RIT2: variants seen among roughly 807,000 people sequenced by gnomAD.
RIT2 encodes Ras like without CAAX 2.
RIT2 carries 24 observed loss-of-function variants against 23.7 expected under a neutral mutation model. That is an observed-to-expected ratio of 1.01 (90% CI 0.73 to 1.43). RIT2 has a LOEUF of 1.43. RIT2 is among the 40% of genes most tolerant of loss of function. The pLI, the probability that RIT2 is intolerant of heterozygous loss-of-function variation, is 0.00. For synonymous variants in RIT2, 107 were observed against 91.1 expected, an observed-to-expected ratio of 1.17 and a Z score of -0.99; for missense variants, 236 against 266.9, an observed-to-expected ratio of 0.88 and a Z score of 0.81.
chr18:43,100,362 G>T (rs188859575), intron 1 of RIT2, among the ~76,000 whole-genome samples: 1 of 152,276 alleles, frequency 6.6e-6, no homozygotes, highest in African/African-American at 2.4e-5. Context: ...TGATATTTCT[G>T]AAGTAGAGAG....
intron 1 of RIT2, among the ~76,000 whole-genome samples, chr18:43,088,469 T>A (rs2144356872): frequency 6.6e-6 from 1 of 152,316 alleles, no homozygotes; most frequent in East Asian, 1.9e-4. Context: ...ATACCTCTAT[T>A]GCATAAAATT....
chr18:42,972,884 A>G (rs1430924832), intron 3 of RIT2, among the ~76,000 whole-genome samples: 1 of 151,892 alleles, frequency 6.6e-6, no homozygotes, highest in Non-Finnish European at 1.5e-5. Context: ...TTTTACAACT[A>G]TACAGCCTTT....
At chr18:43,098,930 G>A (rs544591741) in intron 1 of RIT2, among the ~76,000 whole-genome samples, 16 of 151,980 alleles carry the variant, frequency 1.1e-4, no homozygotes, top group African/African-American at 3.1e-4. Flanking sequence ...GTCAATATTT[G>A]GGATGACATA....
intron 1 of RIT2, among the ~76,000 whole-genome samples, chr18:43,103,137 C>A (rs988982597): frequency 2.0e-5 from 3 of 152,086 alleles, no homozygotes; most frequent in Non-Finnish European, 4.4e-5. Context: ...CAAGCCACAC[C>A]CTTACCCTAT....
intron 1 of RIT2, among the ~76,000 whole-genome samples, chr18:43,096,529 T>C (rs1209398857): frequency 6.6e-6 from 1 of 151,884 alleles, no homozygotes; most frequent in African/African-American, 2.4e-5. Context: ...AGCAGATATA[T>C]GGGAACAGAT....
Position 42,784,624 on chromosome 18 carries a change from A to G in RIT2, c.427-40904T>C, listed in dbSNP as rs143631536. ...AATCAGAGAAATTTTTAGAAATGAA[A>G]CAACTCCATTTTTTACATTCACACC... On this transcript the variant is annotated intron_variant, in intron 4 of 4. Coordinates refer to ENST00000326695, the MANE Select transcript of RIT2 (RefSeq NM_002930.4). 4.3e-4 allele frequency among the ~76,000 whole-genome samples: 65 copies of G among 152,248 alleles called. 1 individual carries two copies. The East Asian group carries it at 0.013, about 29-fold the overall frequency.
intron 2 of RIT2, among the ~76,000 whole-genome samples, chr18:43,008,995 A>G (rs1911289995): frequency 1.3e-5 from 2 of 151,692 alleles, no homozygotes; most frequent in Admixed American, 1.3e-4. Flanking sequence ...AATTGAAAAC[A>G]TAAAAAAGCA....
chr18:42,859,362 T>C (rs1907267545), intron 4 of RIT2, among the ~76,000 whole-genome samples: 1 of 152,226 alleles, frequency 6.6e-6, no homozygotes. Context: ...CTTGGCGAAA[T>C]GATTATTCAA....
intron 4 of RIT2, among the ~76,000 whole-genome samples, chr18:42,879,285 G>T (rs1598696533): frequency 6.6e-6 from 1 of 152,170 alleles, no homozygotes; most frequent in East Asian, 1.9e-4. Context: ...CTCCTTCATT[G>T]TAACAGAGAA....
intron 4 of RIT2, among the ~76,000 whole-genome samples, chr18:42,793,935 T>A (rs1235646322): frequency 6.6e-6 from 1 of 152,186 alleles, no homozygotes; most frequent in East Asian, 1.9e-4. Flanking sequence ...CCTAATGACT[T>A]TTGGAAAAGC....
intron 1 of RIT2, among the ~76,000 whole-genome samples, chr18:43,071,355 C>G (rs369583610): frequency 1.8e-4 from 27 of 152,104 alleles, no homozygotes; most frequent in African/African-American, 6.3e-4. Flanking sequence ...ATCCCAGGTT[C>G]TCAACTGGCG....
intron 4 of RIT2, among the ~76,000 whole-genome samples, chr18:42,772,284 G>T (rs1051330287): frequency 6.6e-6 from 1 of 152,046 alleles, no homozygotes; most frequent in Non-Finnish European, 1.5e-5. Context: ...TCTGACACTG[G>T]CACACACTTG....
chr18:43,076,676 G>T (rs1044182863), intron 1 of RIT2, among the ~76,000 whole-genome samples: 1 of 152,192 alleles, frequency 6.6e-6, no homozygotes, highest in Admixed American at 6.5e-5. Flanking sequence ...GATATGTCTA[G>T]CAACATCTCT....
At chr18:42,985,514 T>C (rs556301116) in intron 2 of RIT2, among the ~76,000 whole-genome samples, 13 of 152,280 alleles carry the variant, frequency 8.5e-5, no homozygotes, top group African/African-American at 2.9e-4. Flanking sequence ...TGTTAATTCA[T>C]AGCAGTTAAG....
intron 1 of RIT2, among the ~76,000 whole-genome samples, chr18:43,065,251 T>C (rs1435392672): frequency 2.4e-5 from 3 of 127,466 alleles, no homozygotes; most frequent in Admixed American, 8.9e-5. Flanking sequence ...TTTAGAGACA[T>C]GGTCTCAATC....
At chr18:43,057,904 G>T (rs1456114427) in intron 1 of RIT2, among the ~76,000 whole-genome samples, 1 of 151,612 alleles carries the variant, frequency 6.6e-6, no homozygotes, top group Non-Finnish European at 1.5e-5. Flanking sequence ...GAGGATTTTG[G>T]TGTGTCTTGC....
At chr18:42,824,231 G>A (rs1190154974) in intron 4 of RIT2, among the ~76,000 whole-genome samples, 5 of 152,072 alleles carry the variant, frequency 3.3e-5, no homozygotes, top group African/African-American at 1.2e-4. Flanking sequence ...AGAAGTGAAT[G>A]TTGAGTTGAT....
intron 4 of RIT2, among the ~76,000 whole-genome samples, chr18:42,878,828 G>A (rs1013941529): frequency 6.8e-6 from 1 of 146,334 alleles, no homozygotes; most frequent in East Asian, 2.0e-4. Flanking sequence ...TTTCTGTACC[G>A]CCCCCCGCCC....
chr18:42,911,544 A>T (rs1244899092), intron 4 of RIT2, among the ~76,000 whole-genome samples: 2 of 152,114 alleles, frequency 1.3e-5, no homozygotes, highest in African/African-American at 2.4e-5. Flanking sequence ...TTGTTTCACT[A>T]TAGCAACCAT....
Sources: allele counts gnomAD v4.1 joint callset (sites outside exome capture counted in the v4.1 genomes callset), GRCh38; gene constraint gnomAD v4.1.1; transcripts MANE v1.5; gene names NCBI Gene and HGNC (gene_info 2026-07-23, HGNC 2026-07-21).